SMIM14: variants seen among roughly 807,000 people sequenced by gnomAD.
The protein encoded by SMIM14 is chromosome 4 open reading frame 34.
A neutral mutation model predicts 12.6 loss-of-function variants in SMIM14; 5 were observed. That is an observed-to-expected ratio of 0.40 (90% CI 0.21 to 0.83). The LOEUF (loss-of-function observed/expected upper bound fraction) is 0.83, where lower values mean the gene tolerates loss of function less well. SMIM14 is among the 40% of genes least tolerant of loss of function. The pLI is 0.37. For synonymous variants in SMIM14, 30 were observed against 40.1 expected (o/e 0.75, Z 0.95); for missense variants, 86 against 119.1 (o/e 0.72, Z 1.29).
At chr4:39,556,986 C>T (rs968887331) in intron 3 of SMIM14, among the ~76,000 whole-genome samples, 6 of 151,494 alleles carry the variant, frequency 4.0e-5, no homozygotes, top group African/African-American at 1.5e-4. Context: ...TTAGTAGAGA[C>T]ACTATGTTGC....
rs1711606241 is a variant in SMIM14, at chr4:39,550,275, G to A, written c.*1851C>T. ...ACTTCATAACCATATGGGTCATGCA[G>A]ACATTTTTATTTATTTATTTATTTT... On this transcript the variant is annotated 3_prime_UTR_variant, in exon 5 of 5. Coordinates refer to ENST00000295958, the MANE Select transcript of SMIM14 (RefSeq NM_174921.3). 6.6e-6 allele frequency: 1 copy of A among 152,076 alleles called. No individual in the cohort carries two copies. Among genetic ancestry groups the A allele is most frequent in the African/African-American group, 2.4e-5 (1 of 41,356 alleles). 9.4% of individuals were successfully genotyped at this position (152,076 alleles called of 1,614,324 possible).
chr4:39,624,184 G>A (rs531552826), intron 1 of SMIM14, among the ~76,000 whole-genome samples: 2 of 152,148 alleles, frequency 1.3e-5, no homozygotes, highest in African/African-American at 4.8e-5. Context: ...ACTCAAAACT[G>A]GTTATTCTTT....
At chr4:39,631,273 A>C (rs1204082736) in intron 1 of SMIM14, among the ~76,000 whole-genome samples, 1 of 151,342 alleles carries the variant, frequency 6.6e-6, no homozygotes, top group Non-Finnish European at 1.5e-5. Context: ...TGGAGGTTGC[A>C]GTGAGCTGAG....
At chr4:39,608,201 G>C (rs1218202127) in intron 1 of SMIM14, among the ~76,000 whole-genome samples, 1 of 152,200 alleles carries the variant, frequency 6.6e-6, no homozygotes, top group African/African-American at 2.4e-5. Context: ...GATTGGGCAT[G>C]GTGGCTCACG....
intron 2 of SMIM14, among the ~76,000 whole-genome samples, chr4:39,594,908 G>A (rs1578342410): frequency 6.6e-6 from 1 of 150,860 alleles, no homozygotes; most frequent in East Asian, 1.9e-4. Context: ...GAAACAACAG[G>A]TGCTGGAGAG....
At chr4:39,606,115 G>A (rs1302757765) in intron 1 of SMIM14, among the ~76,000 whole-genome samples, 1 of 152,090 alleles carries the variant, frequency 6.6e-6, no homozygotes, top group Non-Finnish European at 1.5e-5. Context: ...GGAGGCTGAG[G>A]CGGGAGGATC....
intron 4 of SMIM14, among the ~76,000 whole-genome samples, chr4:39,554,500 C>T (rs1408364095): frequency 1.3e-5 from 2 of 151,716 alleles, no homozygotes; most frequent in Non-Finnish European, 2.9e-5. Flanking sequence ...CCCAGCTACT[C>T]GGTAGGTGGA....
At chr4:39,613,261 C>T (rs1715100642) in intron 1 of SMIM14, among the ~76,000 whole-genome samples, 1 of 152,082 alleles carries the variant, frequency 6.6e-6, no homozygotes, top group Admixed American at 6.6e-5. Context: ...CTATATGTGC[C>T]AGGAACAAGT....
intron 1 of SMIM14, chr4:39,611,824 C>T (rs930579363): frequency 3.9e-5 from 6 of 152,090 alleles, no homozygotes; most frequent in African/African-American, 1.4e-4. Flanking sequence ...ACAATGAGTA[C>T]ATGAGATCCT....
chr4:39,617,750 ACT>A (rs1262650041), intron 1 of SMIM14, among the ~76,000 whole-genome samples: 1 of 152,086 alleles, frequency 6.6e-6, no homozygotes, highest in East Asian at 1.9e-4. Flanking sequence ...TGCCCTACTC[ACT>A]CTCTGGTGGA....
intron 1 of SMIM14, among the ~76,000 whole-genome samples, chr4:39,609,137 C>T (rs1714927539): frequency 2.0e-5 from 3 of 149,998 alleles, no homozygotes; most frequent in South Asian, 4.2e-4. Flanking sequence ...CCACCATGCC[C>T]GGCTAATTTT....
At chr4:39,628,720 C>CTTTTTT (rs541461723) in intron 1 of SMIM14, among the ~76,000 whole-genome samples, 3 of 135,274 alleles carry the variant, frequency 2.2e-5, no homozygotes, top group Non-Finnish European at 4.8e-5. Context: ...AAATGTTTTT[C>CTTTTTT]TTTTTTTTTT....
intron 1 of SMIM14, among the ~76,000 whole-genome samples, chr4:39,612,568 G>A (rs1578357079): frequency 6.8e-6 from 1 of 147,298 alleles, no homozygotes; most frequent in Admixed American, 6.7e-5. Context: ...ATACTGTGTT[G>A]GTTAAAATGA....
intron 2 of SMIM14, among the ~76,000 whole-genome samples, chr4:39,581,752 G>A (rs932287377): frequency 2.0e-5 from 3 of 151,966 alleles, no homozygotes; most frequent in African/African-American, 4.8e-5. Flanking sequence ...TAGTAGAGAC[G>A]GAGTTTCACC....
chr4:39,613,534 C>G (rs1715107847), intron 1 of SMIM14, among the ~76,000 whole-genome samples: 1 of 152,136 alleles, frequency 6.6e-6, no homozygotes, highest in Admixed American at 6.6e-5. Context: ...AAACCAGCAG[C>G]TAGGCACTAG....
intron 3 of SMIM14, among the ~76,000 whole-genome samples, chr4:39,561,039 C>T (rs201833451): frequency 3.4e-4 from 52 of 150,742 alleles, no homozygotes; most frequent in African/African-American, 1.2e-3. Context: ...ATTTTTTTTT[C>T]TTTTTTTTTA....
intron 2 of SMIM14, among the ~76,000 whole-genome samples, chr4:39,592,036 A>G (rs1297969592): frequency 6.6e-6 from 1 of 152,034 alleles, no homozygotes; most frequent in African/African-American, 2.4e-5. Context: ...CTACAAAAAA[A>G]AATACAAAAA....
At chr4:39,554,374 G>A (rs765446108) in intron 4 of SMIM14, among the ~76,000 whole-genome samples, 3 of 152,084 alleles carry the variant, frequency 2.0e-5, no homozygotes, top group Admixed American at 6.5e-5. Flanking sequence ...TCGGGAGGCC[G>A]AGGCAGGCAC....
rs779506817 is a variant in SMIM14, at chr4:39,594,909, T to A, written c.75+10162A>T. Among the ~76,000 whole-genome samples, 779 of 150,726 alleles carry A rather than the reference T, an allele frequency of 5.2e-3. 5 individuals carry two copies. Among genetic ancestry groups the A allele is most frequent in the Non-Finnish European group, 7.4e-3 (498 of 67,068 alleles). ...CATTAAAAAGTCAGGAAACAACAGG[T>A]GCTGGAGAGGATGTGGAGAAACAGG... On this transcript the variant is annotated intron_variant, in intron 2 of 4. Coordinates refer to ENST00000295958, the MANE Select transcript of SMIM14 (RefSeq NM_174921.3).
Sources: allele counts gnomAD v4.1 joint callset (sites outside exome capture counted in the v4.1 genomes callset), GRCh38; gene constraint gnomAD v4.1.1; transcripts MANE v1.5; gene names NCBI Gene and HGNC (gene_info 2026-07-23, HGNC 2026-07-21).